Variants in NAV2 observed in about 807,000 individuals in gnomAD.
NAV2 encodes the protein helicase, APC down-regulated 1.
Under a neutral mutation model 223.2 loss-of-function variants are expected in NAV2, and 54 were observed. That is an observed-to-expected ratio of 0.24 (90% CI 0.19 to 0.30). NAV2 has a LOEUF of 0.30. Ranked by LOEUF, NAV2 falls within the 10% of genes least tolerant of loss-of-function variation. NAV2 has a pLI of 1.00. For synonymous variants in NAV2, 1,279 were observed against 1,239.3 expected (o/e 1.03, Z -0.67); for missense variants, 2,806 against 3,147.5 (o/e 0.89, Z 2.60).
At chr11:19,397,418 T>TGTGTGTGTGTGTGTGC (rs57566081) in intron 1 of NAV2, among the ~76,000 whole-genome samples, 4,057 of 145,160 alleles carry the variant, frequency 0.028, 75 homozygotes, top group Middle Eastern at 0.055. Context: ...TGTGTGTGTG[T>TGTGTGTGTGTGTGTGC]GCGCGCATGT....
At chr11:19,536,082 A>G (rs1280789374) in intron 1 of NAV2, among the ~76,000 whole-genome samples, 2 of 152,216 alleles carry the variant, frequency 1.3e-5, no homozygotes, top group African/African-American at 2.4e-5. Flanking sequence ...TTAGAAAGCT[A>G]CAATTTACTT....
chr11:19,839,171 G>T (rs1475959425), intron 2 of NAV2, among the ~76,000 whole-genome samples: 1 of 152,172 alleles, frequency 6.6e-6, no homozygotes, highest in African/African-American at 2.4e-5. Context: ...GTTGGCTGTT[G>T]CCTGCCAGCC....
intron 1 of NAV2, among the ~76,000 whole-genome samples, chr11:19,794,521 C>T (rs1360927526): frequency 6.6e-6 from 1 of 152,148 alleles, no homozygotes; most frequent in Admixed American, 6.5e-5. Flanking sequence ...CAACTATTTT[C>T]CCCAGAAGAC....
intron 1 of NAV2, among the ~76,000 whole-genome samples, chr11:19,732,792 C>A (rs559259438): frequency 6.6e-6 from 1 of 152,316 alleles, no homozygotes; most frequent in South Asian, 2.1e-4. Flanking sequence ...GTGTGCCAGG[C>A]CTACCCTGCC....
intron 10 of NAV2, chr11:19,981,310 C>G (rs749639159): frequency 6.6e-6 from 1 of 152,132 alleles, no homozygotes; most frequent in Non-Finnish European, 1.5e-5. Context: ...TCTGATACAT[C>G]CACGTTGCAC....
intron 31 of NAV2, among the ~76,000 whole-genome samples, chr11:20,100,494 A>C (rs1404960983): frequency 1.3e-5 from 2 of 151,910 alleles, no homozygotes; most frequent in African/African-American, 4.8e-5. Flanking sequence ...GTTGTGACAG[A>C]CAGGACTCAG....
intron 7 of NAV2, among the ~76,000 whole-genome samples, chr11:19,935,470 A>G (rs1358571321): frequency 1.3e-5 from 2 of 152,212 alleles, no homozygotes; most frequent in African/African-American, 2.4e-5. Context: ...GTTCAGGTGC[A>G]TAGGTGCATG....
Position 19,791,312 on chromosome 11 carries a change from C to T in NAV2, c.268-41172C>T, listed in dbSNP as rs180967754. 5.4e-4 allele frequency among the ~76,000 whole-genome samples: 82 copies of T among 152,266 alleles called. No individual in the cohort carries two copies. The East Asian group carries it at 0.015, about 28-fold the overall frequency. ...TGGCAAGAGGGCAAGGCGTTGGAAC[C>T]GCATCTTTGAGCTCCTCCCCTTCCC... is the stretch of plus-strand genomic sequence containing the variant. On this transcript the variant is annotated intron_variant, in intron 1 of 37. Coordinates refer to ENST00000349880, the MANE Select transcript of NAV2 (RefSeq NM_145117.5).
rs1294855035 is a variant in NAV2 at position 20,118,417 on chromosome 11, A to G, written c.*159A>G. The G allele has an allele frequency of 5.0e-6, 4 of 795,438 alleles. No individual in the cohort carries two copies. In the African/African-American group the frequency reaches 6.9e-5, roughly 14 times the overall value. 49.3% of individuals were successfully genotyped at this position (795,438 alleles called of 1,614,324 possible). On this transcript the variant is annotated 3_prime_UTR_variant, in exon 38 of 38. Transcript: ENST00000349880. ...CGTCCTTCAGCCTCGACCTGGGTGC[A>G]GGCATCCCGGGCCAGCTGCCTGCGG... is the stretch of plus-strand genomic sequence containing the variant.
chr11:20,045,616 C>T lies in NAV2; in HGVS notation c.3848C>T (p.Thr1283Ile), dbSNP rs1394210320. ...AAQPVSSPAQ[T>I]SLQPGAKYPD... ...CAGCCTGTGTCCAGTCCGGCTCAGA[C>T]CAGTCTCCAGCCTGGAGCCAAGTAC... is the stretch of plus-strand genomic sequence containing the variant. Residue 1283 changes from threonine to isoleucine, a missense_variant, in exon 14 of 38, where the codon ACC (threonine) becomes ATC (isoleucine). Physicochemically the swap from Thr to Ile is moderately conservative, Grantham distance 89 (BLOSUM62 -1). Transcript: ENST00000349880. 4 of 1,614,220 alleles carry T rather than the reference C, an allele frequency of 2.5e-6. No individual in the cohort carries two copies. The highest frequency in any genetic ancestry group is 2.2e-5 in the South Asian group (2 of 91,084).
At chr11:19,708,908 AAAAAAAAG>A (rs1166421925), upstream of NAV2, among the ~76,000 whole-genome samples, 7 of 151,772 alleles carry the variant, frequency 4.6e-5, no homozygotes, top group African/African-American at 1.5e-4. Flanking sequence ...GTAAAAAAAA[AAAAAAAAG>A]AAAAAAAGAA....
chr11:19,834,191 C>G (rs1214993625), intron 2 of NAV2, among the ~76,000 whole-genome samples: 2 of 152,146 alleles, frequency 1.3e-5, no homozygotes, highest in African/African-American at 4.8e-5. Context: ...TCCTCTTACT[C>G]TTCATCATTA....
chr11:19,638,236 C>CAA (rs2047559272), intron 1 of NAV2, among the ~76,000 whole-genome samples: 1 of 152,188 alleles, frequency 6.6e-6, no homozygotes, highest in South Asian at 2.1e-4. Flanking sequence ...CCCTTTGATA[C>CAA]TGGGAAGTTT....
chr11:19,640,118 T>C (rs1428084701), intron 1 of NAV2, among the ~76,000 whole-genome samples: 1 of 152,198 alleles, frequency 6.6e-6, no homozygotes, highest in Non-Finnish European at 1.5e-5. Context: ...AACATCTATA[T>C]GTTTCAGGGC....
At position 19,622,584 on chromosome 11, in the gene NAV2, C is replaced by CT. The variant is rs1375872434; in HGVS notation, c.76-209892dup. Among the ~76,000 whole-genome samples the CT allele has an allele frequency of 4.6e-5, 7 of 151,946 alleles. No individual in the cohort carries two copies. In the East Asian group the frequency reaches 5.8e-4, roughly 13 times the overall value. On this transcript the variant is annotated intron_variant, in intron 1 of 37. Coordinates refer to the NAV2 transcript ENST00000360655. ...TCAGAGACTAGGATTGCAACCCCTG[C>CT]TTTTTTTTGTTTGTTTGTTTTCCAT... is the stretch of plus-strand genomic sequence containing the variant.
At chr11:19,833,066 G>A (rs956723804) in intron 2 of NAV2, among the ~76,000 whole-genome samples, 2 of 152,206 alleles carry the variant, frequency 1.3e-5, no homozygotes, top group Admixed American at 6.5e-5. Context: ...TAGATGGTCC[G>A]GGTTAATACT....
At chr11:20,090,543 C>G (rs765433324) in intron 26 of NAV2, among the ~76,000 whole-genome samples, 1 of 151,830 alleles carries the variant, frequency 6.6e-6, no homozygotes, top group Non-Finnish European at 1.5e-5. Flanking sequence ...AGTAGGAACT[C>G]AGGAAAAGAG....
At chr11:19,975,531 A>G (rs1459339714) in intron 10 of NAV2, among the ~76,000 whole-genome samples, 1 of 152,202 alleles carries the variant, frequency 6.6e-6, no homozygotes, top group African/African-American at 2.4e-5. Flanking sequence ...GGAAAGTCAC[A>G]TTGCATTTTG....
chr11:19,884,608 C>T (rs989263971), intron 5 of NAV2, among the ~76,000 whole-genome samples: 5 of 152,130 alleles, frequency 3.3e-5, no homozygotes, highest in Non-Finnish European at 7.4e-5. Context: ...CATGACGTTT[C>T]GCATTTTCTT....
Sources: gnomAD v4.1 joint callset for allele counts (sites outside exome capture counted in the v4.1 genomes callset) on GRCh38, gnomAD v4.1.1 for gene constraint, MANE v1.5 for transcripts, NCBI Gene and HGNC (gene_info 2026-07-23, HGNC 2026-07-21) for gene names.